OR56A3: variants seen among roughly 807,000 people sequenced by gnomAD.
OR56A3 encodes olfactory receptor family 56 subfamily A member 3.
OR56A3 carries 23 observed loss-of-function variants against 17.5 expected under a neutral mutation model. That is an observed-to-expected ratio of 1.32 (90% CI 0.95 to 1.87). The LOEUF is 1.87. Ranked by LOEUF, OR56A3 falls within the 40% of genes most tolerant of loss-of-function variation. OR56A3 has a pLI of 0.00. For missense variants in OR56A3, 366 were observed against 380.1 expected (o/e 0.96, Z 0.31); for synonymous variants, 175 against 150.6 (o/e 1.16, Z -1.19).
At chr11:5,997,916 T>C in the OR56A3 span, among the ~76,000 whole-genome samples, 762 of 152,264 alleles carry the variant, frequency 5.0e-3, 5 homozygotes, top group Admixed American at 5.5e-3. Context: ...GGAATATTTG[T>C]TATTAATGAT....
chr11:5,959,361 T>A, the OR56A3 span, among the ~76,000 whole-genome samples: 1 of 152,146 alleles, frequency 6.6e-6, no homozygotes, highest in Non-Finnish European at 1.5e-5. Context: ...CTCAAAGGAG[T>A]AAGGTGACAT....
rs1847875802 is a variant in OR56A3 at position 5,947,327 on chromosome 11, A to T, written c.-20A>T. The stretch of plus-strand genomic sequence containing the variant: ...ATTTTCCAGATCACTGAAAGAAAGC[A>T]GTAAAATATATGGGAAAATATGACA... On this transcript the variant is annotated 5_prime_UTR_variant, in exon 3 of 3. Transcript: ENST00000641160. 16 of 1,548,764 alleles carry T rather than the reference A, an allele frequency of 1.0e-5. No individual in the cohort carries two copies. The highest frequency in any genetic ancestry group is 1.2e-5 in the Non-Finnish European group (14 of 1,142,630).
chr11:5,998,595 C>T, the OR56A3 span, among the ~76,000 whole-genome samples: 3 of 152,098 alleles, frequency 2.0e-5, no homozygotes, highest in African/African-American at 7.2e-5. Context: ...CCAAGTGACA[C>T]CTGATTTTGA....
At chr11:6,018,197 G>T in the OR56A3 span, among the ~76,000 whole-genome samples, 2 of 152,002 alleles carry the variant, frequency 1.3e-5, no homozygotes, top group South Asian at 2.1e-4. Context: ...TAGACAGAAA[G>T]TCAACAAAGA....
chr11:5,972,707 C>A, the OR56A3 span, among the ~76,000 whole-genome samples: 1 of 152,214 alleles, frequency 6.6e-6, no homozygotes, highest in East Asian at 1.9e-4. Flanking sequence ...CGGCTCACTG[C>A]AATCTCTGCC....
chr11:6,010,862 T>C, the OR56A3 span, among the ~76,000 whole-genome samples: 1 of 151,842 alleles, frequency 6.6e-6, no homozygotes, highest in African/African-American at 2.4e-5. Context: ...CACGTGAATG[T>C]GTGAGTGGTT....
chr11:6,013,111 G>A, the OR56A3 span, among the ~76,000 whole-genome samples: 2 of 152,248 alleles, frequency 1.3e-5, no homozygotes, highest in Non-Finnish European at 2.9e-5. Flanking sequence ...CAAGAGCACA[G>A]GGAGGTCCAG....
At chr11:5,972,657 G>T in the OR56A3 span, among the ~76,000 whole-genome samples, 4 of 152,180 alleles carry the variant, frequency 2.6e-5, no homozygotes, top group Admixed American at 2.0e-4. Context: ...TAAGTTAAAG[G>T]TTCCCATGAG....
the OR56A3 span, chr11:5,968,117 A>G: frequency 6.2e-6 from 10 of 1,614,070 alleles, no homozygotes; most frequent in African/African-American, 9.3e-5. Flanking sequence ...AGATGGCCAC[A>G]TAGCGGTCAT....
the OR56A3 span, among the ~76,000 whole-genome samples, chr11:6,005,239 A>C: frequency 2.0e-5 from 3 of 152,252 alleles, no homozygotes; most frequent in Non-Finnish European, 4.4e-5. Flanking sequence ...CAAAAGATGC[A>C]ACAAGCTAAG....
the OR56A3 span, chr11:5,985,928 G>A: frequency 6.3e-7 from 1 of 1,590,176 alleles, no homozygotes; most frequent in South Asian, 1.1e-5. Context: ...GAAACAATGA[G>A]AATATGTTCA....
the OR56A3 span, chr11:6,001,060 T>C: frequency 3.3e-5 from 5 of 152,218 alleles, no homozygotes; most frequent in African/African-American, 1.2e-4. Context: ...TTGGAGATAC[T>C]GAACTGTGTG....
Position 5,950,193 on chromosome 11 carries a change from G to A in OR56A3, c.*1899G>A, listed in dbSNP as rs1249929540. 6.6e-6 allele frequency: 1 copy of A among 152,082 alleles called. No homozygotes were observed. The highest frequency in any genetic ancestry group is 2.4e-5 in the African/African-American group (1 of 41,406). The allele number at this position is 152,082 out of a possible 1,614,324, so 9.4% of individuals were successfully genotyped here. Reference sequence around the variant, plus strand: ...ACTTATCAAAACACCAAAACTTTGAGGACTAGTTATTTTCAAGATCACATC... The same window carrying A: ...ACTTATCAAAACACCAAAACTTTGAAGACTAGTTATTTTCAAGATCACATC... On this transcript the variant is annotated 3_prime_UTR_variant, in exon 3 of 3. Transcript: ENST00000641160.
chr11:5,970,915 G>A, the OR56A3 span, among the ~76,000 whole-genome samples: 1 of 152,074 alleles, frequency 6.6e-6, no homozygotes. Context: ...GTCTTAATTT[G>A]GGGAAGGCTG....
chr11:5,994,586 T>C, the OR56A3 span: 7 of 855,016 alleles, frequency 8.2e-6, no homozygotes, highest in East Asian at 2.4e-5. Flanking sequence ...CCGAGTGACA[T>C]TGGTGTCATC....
the OR56A3 span, among the ~76,000 whole-genome samples, chr11:6,007,320 G>C: frequency 6.6e-6 from 1 of 152,306 alleles, no homozygotes; most frequent in Admixed American, 6.5e-5. Flanking sequence ...AGGAAATGGA[G>C]AGATGTTTGT....
chr11:6,000,182 C>T, the OR56A3 span: 16 of 152,156 alleles, frequency 1.1e-4, no homozygotes, highest in Admixed American at 3.9e-4. Context: ...ATTGCGGCAC[C>T]ATTCACAATA....
the OR56A3 span, chr11:5,985,967 G>A: frequency 1.9e-6 from 3 of 1,609,894 alleles, no homozygotes; most frequent in South Asian, 2.2e-5. Context: ...AACACTCTGA[G>A]CACTCGCTGG....
At chr11:5,952,301 TAACAGGAACTCACTTTTGAGCCA>T (rs1299805778), downstream of OR56A3, among the ~76,000 whole-genome samples, 1 of 152,122 alleles carries the variant, frequency 6.6e-6, no homozygotes, top group African/African-American at 2.4e-5. Flanking sequence ...AAGAATATTA[TAACAGGAACTCACTTTTGAGCCA>T]AAGCAGGAAC....
Sources: gnomAD v4.1 joint callset for allele counts (sites outside exome capture counted in the v4.1 genomes callset) on GRCh38, gnomAD v4.1.1 for gene constraint, MANE v1.5 for transcripts, NCBI Gene and HGNC (gene_info 2026-07-23, HGNC 2026-07-21) for gene names.